The following KCNJ10 variants were observed in gnomAD, a reference collection of about 807,000 sequenced individuals.
KCNJ10 encodes the protein potassium inwardly rectifying channel subfamily J member 10.
Under a neutral mutation model 22.2 loss-of-function variants are expected in KCNJ10, and 9 were observed. That is an observed-to-expected ratio of 0.40 (90% CI 0.24 to 0.71). The LOEUF is 0.71. KCNJ10 is among the 30% of genes least tolerant of loss of function. The pLI is 0.35. For missense variants in KCNJ10, 337 were observed against 482.7 expected (o/e 0.70, Z 2.83); for synonymous variants, 184 against 187.3 (o/e 0.98, Z 0.15).
At chr1:160,053,533 C>T (rs1648953240) in intron 1 of KCNJ10, among the ~76,000 whole-genome samples, 1 of 152,150 alleles carries the variant, frequency 6.6e-6, no homozygotes, top group Non-Finnish European at 1.5e-5. Flanking sequence ...CGCCTCCTGT[C>T]TTGCCCCAAG....
chr1:160,067,390 C>T (rs1057114559), intron 1 of KCNJ10, among the ~76,000 whole-genome samples: 14 of 152,218 alleles, frequency 9.2e-5, no homozygotes, highest in Non-Finnish European at 1.3e-4. Context: ...CTGGAGAGAC[C>T]GAAGTGACAT....
intron 1 of KCNJ10, among the ~76,000 whole-genome samples, chr1:160,061,208 G>A (rs1649182026): frequency 6.6e-6 from 1 of 152,086 alleles, no homozygotes; most frequent in Admixed American, 6.5e-5. Flanking sequence ...CAAATAGTTG[G>A]GGGAAAAACA....
intron 1 of KCNJ10, among the ~76,000 whole-genome samples, chr1:160,064,449 T>A (rs1649267445): frequency 6.6e-6 from 1 of 152,254 alleles, no homozygotes; most frequent in African/African-American, 2.4e-5. Context: ...ACAATGTCAC[T>A]CTTCTTATTA....
chr1:160,065,042 A>T (rs892782520), intron 1 of KCNJ10: 1 of 152,096 alleles, frequency 6.6e-6, no homozygotes, highest in Non-Finnish European at 1.5e-5. Context: ...GTGAGGGGAG[A>T]AAGGCTCTCT....
intron 1 of KCNJ10, among the ~76,000 whole-genome samples, chr1:160,049,204 A>G (rs1648819665): frequency 2.0e-5 from 3 of 152,138 alleles, no homozygotes; most frequent in Admixed American, 2.0e-4. Context: ...CTCTAGCTCA[A>G]AACATTTTAA....
intron 1 of KCNJ10, among the ~76,000 whole-genome samples, chr1:160,058,606 T>C (rs1197659332): frequency 1.3e-5 from 2 of 152,036 alleles, no homozygotes; most frequent in African/African-American, 4.8e-5. Flanking sequence ...ACAAGAGAAA[T>C]TAGTCTTGGG....
chr1:160,059,533 A>C (rs1329888092), intron 1 of KCNJ10, among the ~76,000 whole-genome samples: 1 of 152,196 alleles, frequency 6.6e-6, no homozygotes, highest in Non-Finnish European at 1.5e-5. Flanking sequence ...TTCCCCAGCC[A>C]ACCACAGCCA....
chr1:160,068,164 G>A (rs746103593), intron 1 of KCNJ10: 1 of 152,252 alleles, frequency 6.6e-6, no homozygotes, highest in African/African-American at 2.4e-5. Flanking sequence ...CTGGATGTGG[G>A]TCAGATGTTG....
At chr1:160,049,679 A>ATTTT (rs1557970340) in intron 1 of KCNJ10, among the ~76,000 whole-genome samples, 7 of 28,160 alleles carry the variant, frequency 2.5e-4, no homozygotes, top group African/African-American at 1.2e-3. Flanking sequence ...ATTTATTTAT[A>ATTTT]TATATATATA....
At chr1:160,058,712 T>C (rs1391846023) in intron 1 of KCNJ10, among the ~76,000 whole-genome samples, 2 of 152,150 alleles carry the variant, frequency 1.3e-5, no homozygotes, top group Non-Finnish European at 2.9e-5. Flanking sequence ...GAGTCCTTTA[T>C]GACCTGGTCT....
intron 1 of KCNJ10, among the ~76,000 whole-genome samples, chr1:160,043,076 G>A (rs778206360): frequency 1.3e-5 from 2 of 152,078 alleles, no homozygotes; most frequent in South Asian, 2.1e-4. Context: ...AATTCTTAGC[G>A]GAAGAGAGGC....
chr1:160,069,271 G>C (rs1293318000), intron 1 of KCNJ10, among the ~76,000 whole-genome samples: 1 of 152,160 alleles, frequency 6.6e-6, no homozygotes, highest in Non-Finnish European at 1.5e-5. Flanking sequence ...CAGGTGCCCT[G>C]GGTTAGTTCT....
In KCNJ10 at chr1:160,040,979, A is replaced by T; in HGVS notation, c.*414T>A. On this transcript the variant is annotated 3_prime_UTR_variant, in exon 2 of 2. Coordinates refer to ENST00000644903, the MANE Select transcript of KCNJ10 (RefSeq NM_002241.5). The stretch of plus-strand genomic sequence containing the variant: ...ATCAGAGAGAGTCTTGCCTTTGGGA[A>T]CTTGCTAGATGGAAAGGTAACAGAG... 3.2e-6 allele frequency: 1 copy of T among 312,718 alleles called. No homozygotes were observed. The highest frequency in any genetic ancestry group is 6.1e-5 in the East Asian group (1 of 16,380). 19.4% of individuals were successfully genotyped at this position (312,718 alleles called of 1,614,324 possible).
At chr1:160,049,945 TC>T (rs1228250017) in intron 1 of KCNJ10, among the ~76,000 whole-genome samples, 1 of 151,104 alleles carries the variant, frequency 6.6e-6, no homozygotes, top group Non-Finnish European at 1.5e-5. Context: ...GCCTTCTCAT[TC>T]CCCCTTCTTG....
chr1:160,069,079 G>A (rs569044199), intron 1 of KCNJ10, among the ~76,000 whole-genome samples: 15 of 152,326 alleles, frequency 9.8e-5, no homozygotes, highest in Non-Finnish European at 1.9e-4. Flanking sequence ...CCTCTTTGGG[G>A]TCCAAATCTG....
intron 1 of KCNJ10, among the ~76,000 whole-genome samples, chr1:160,043,358 C>CGTA (rs1437657878): frequency 1.3e-5 from 2 of 150,866 alleles, no homozygotes; most frequent in African/African-American, 4.9e-5. Context: ...AAGCCAATAC[C>CGTA]CACTGGTGAT....
Position 160,041,416 on chromosome 1 carries a change from T to TA in KCNJ10, c.1116dup (p.Ser373Ter). ...CATCAGACATTGCTGATGCGCACAC[T>TA]AAGGGCACTGCCCTCCTTCTCAGCT... On this transcript the variant is annotated frameshift_variant, in exon 2 of 2. Coordinates refer to ENST00000644903, the MANE Select transcript of KCNJ10 (RefSeq NM_002241.5). LOFTEE classifies it high-confidence loss of function. This position sits in a 1 kb window ranked among gnomAD's most constrained non-coding sequence, Gnocchi z 4.4. 4 of 1,613,430 alleles carry TA rather than the reference T, an allele frequency of 2.5e-6. No homozygotes were observed. The highest frequency in any genetic ancestry group is 3.4e-6 in the Non-Finnish European group (4 of 1,179,944).
At chr1:160,051,599 G>A (rs1372206559) in intron 1 of KCNJ10, among the ~76,000 whole-genome samples, 1 of 151,970 alleles carries the variant, frequency 6.6e-6, no homozygotes, top group Non-Finnish European at 1.5e-5. Flanking sequence ...AAGCAGAGAT[G>A]ACACCTTAAG....
At chr1:160,059,429 C>T (rs1440242929) in intron 1 of KCNJ10, among the ~76,000 whole-genome samples, 1 of 152,152 alleles carries the variant, frequency 6.6e-6, no homozygotes, top group African/African-American at 2.4e-5. Context: ...TTCATCTCAA[C>T]TTATCTCTTC....
Sources: allele counts gnomAD v4.1 joint callset (sites outside exome capture counted in the v4.1 genomes callset), GRCh38; gene constraint gnomAD v4.1.1; non-coding constraint Gnocchi (gnomAD v3.1); transcripts MANE v1.5; gene names NCBI Gene and HGNC (gene_info 2026-07-23, HGNC 2026-07-21).